The following ZBTB43 variants were observed in gnomAD, a reference collection of about 807,000 sequenced individuals.
ZBTB43 encodes zinc finger and BTB domain containing 43, also known as zinc finger and BTB domain-containing protein 43.
In ZBTB43, 6 loss-of-function variants were observed where a neutral mutation model predicts 31.1. The ratio of observed to expected loss-of-function variants is 0.19; its 90% confidence interval spans 0.11 to 0.38. The LOEUF (loss-of-function observed/expected upper bound fraction) is 0.38. ZBTB43 is among the 10% of genes least tolerant of loss of function. ZBTB43 has a pLI of 1.00. For synonymous variants in ZBTB43, 212 were observed against 221.7 expected, an observed-to-expected ratio of 0.96 and a Z score of 0.39; for missense variants, 379 against 602.1, an observed-to-expected ratio of 0.63 and a Z score of 3.88.
chr9:126,822,766 T>A (rs1165264553), intron 2 of ZBTB43, among the ~76,000 whole-genome samples: 1 of 151,976 alleles, frequency 6.6e-6, no homozygotes, highest in Non-Finnish European at 1.5e-5. Context: ...AGAAAGAAAT[T>A]GCTACAGCCA....
intron 2 of ZBTB43, among the ~76,000 whole-genome samples, chr9:126,825,522 C>T (rs897660025): frequency 6.6e-6 from 1 of 152,166 alleles, no homozygotes; most frequent in African/African-American, 2.4e-5. Context: ...TGGCCTTCTT[C>T]CTCAGCTTGC....
chr9:126,805,570 A>G (rs940573128), intron 1 of ZBTB43, among the ~76,000 whole-genome samples: 1 of 152,246 alleles, frequency 6.6e-6, no homozygotes, highest in Admixed American at 6.5e-5. Context: ...CTTCTGTTTA[A>G]GTAAAACATT....
intron 2 of ZBTB43, among the ~76,000 whole-genome samples, chr9:126,830,283 A>C (rs537339108): frequency 6.6e-6 from 1 of 152,220 alleles, no homozygotes; most frequent in Non-Finnish European, 1.5e-5. Flanking sequence ...TTCTCTTGTC[A>C]TCTCTCCCTA....
At chr9:126,829,578 T>C (rs1163145185) in intron 2 of ZBTB43, among the ~76,000 whole-genome samples, 1 of 152,226 alleles carries the variant, frequency 6.6e-6, no homozygotes, top group African/African-American at 2.4e-5. Flanking sequence ...AGTAGGGATT[T>C]TTAAAGGATG....
chr9:126,825,655 A>G (rs1588363291), intron 2 of ZBTB43, among the ~76,000 whole-genome samples: 1 of 152,056 alleles, frequency 6.6e-6, no homozygotes, highest in Non-Finnish European at 1.5e-5. Flanking sequence ...GTTAGGGCAC[A>G]TCTAAATGGA....
chr9:126,825,345 A>G (rs1217626205), intron 2 of ZBTB43, among the ~76,000 whole-genome samples: 6 of 151,958 alleles, frequency 3.9e-5, no homozygotes, highest in Non-Finnish European at 7.4e-5. Flanking sequence ...CAAGCATGCC[A>G]TTGAACCCCC....
chr9:126,808,039 T>TA (rs2032166137), intron 1 of ZBTB43, among the ~76,000 whole-genome samples: 1 of 152,242 alleles, frequency 6.6e-6, no homozygotes, highest in Non-Finnish European at 1.5e-5. Context: ...AATTTGTCGA[T>TA]ATGTTGTTAA....
chr9:126,826,650 G>C (rs11788344), intron 2 of ZBTB43, among the ~76,000 whole-genome samples: 3 of 151,338 alleles, frequency 2.0e-5, no homozygotes, highest in Non-Finnish European at 4.4e-5. Context: ...TTTTTTAGTA[G>C]AAATGGGGTT....
In ZBTB43 at chr9:126,835,837, A is replaced by T; in HGVS notation, c.*1924A>T. 1 of 166,962 alleles carries T rather than the reference A, an allele frequency of 6.0e-6. No homozygotes were observed. The allele number at this position is 166,962 out of a possible 1,614,324, so 10.3% of individuals were successfully genotyped here. A position where few individuals can be genotyped will look rare whatever the true frequency, so the allele number is the denominator to read the frequency against. On this transcript the variant is annotated 3_prime_UTR_variant, in exon 3 of 3. Coordinates refer to ENST00000373464, the MANE Select transcript of ZBTB43 (RefSeq NM_014007.4). ...CTGGTTAGCAGTCTTTTCTCTGTGT[A>T]CCTGACACACGTATACTGAGGGGAT...
At chr9:126,814,308 G>C (rs2032317984) in intron 2 of ZBTB43, among the ~76,000 whole-genome samples, 1 of 149,276 alleles carries the variant, frequency 6.7e-6, no homozygotes, top group Non-Finnish European at 1.5e-5. Context: ...TTTTACAGAT[G>C]AAATTTACAT....
chr9:126,815,330 C>T (rs28681349), intron 2 of ZBTB43, among the ~76,000 whole-genome samples: 1 of 120,030 alleles, frequency 8.3e-6, no homozygotes, highest in Non-Finnish European at 1.7e-5. Flanking sequence ...ATATATAAAA[C>T]TATATATATA....
In ZBTB43 at chr9:126,828,651, A is replaced by ATTATTATTATT. The variant is rs1554742734; in HGVS notation, c.-23-3836_-23-3835insTTATTATTATT. On this transcript the variant is annotated intron_variant, in intron 2 of 2. Transcript: ENST00000373464. ...TCTAAATAATAATAATAATAATAAT[A>ATTATTATTATT]ATAATTATTATTATTATTATTATTA... 5.8e-3 allele frequency among the ~76,000 whole-genome samples: 729 copies of ATTATTATTATT among 126,424 alleles called. 8 individuals carry two copies. The highest frequency in any genetic ancestry group is 0.021 in the African/African-American group (703 of 32,766). The allele number at this position is 126,424 out of a possible 152,430, so 82.9% of individuals were successfully genotyped here. A position where few individuals can be genotyped will look rare whatever the true frequency, so the allele number is the denominator to read the frequency against.
At chr9:126,804,931 G>A (rs370354227), upstream of ZBTB43, 16 of 152,404 alleles carry the variant, frequency 1.0e-4, no homozygotes, top group Admixed American at 3.3e-4. Context: ...CAGCTCAGAC[G>A]GTAAGTCCCG....
intron 1 of ZBTB43, among the ~76,000 whole-genome samples, chr9:126,806,019 T>C (rs2032120419): frequency 6.6e-6 from 1 of 152,226 alleles, no homozygotes; most frequent in African/African-American, 2.4e-5. Context: ...CAGGAGAGCC[T>C]GTCAGGGAGA....
intron 2 of ZBTB43, among the ~76,000 whole-genome samples, chr9:126,810,492 C>T (rs574375007): frequency 4.4e-4 from 58 of 131,820 alleles, no homozygotes; most frequent in Non-Finnish European, 7.4e-4. Context: ...TGTGCCCAGC[C>T]GTCTTTTTTT....
chr9:126,830,415 C>T lies in ZBTB43; in HGVS notation c.-23-2072C>T, dbSNP rs577404193. Among the ~76,000 whole-genome samples, 3 of 152,284 alleles carry T rather than the reference C, an allele frequency of 2.0e-5. No individual in the cohort carries two copies. In the East Asian group the frequency reaches 5.8e-4, roughly 29 times the overall value. ...CATTCCAGCACTTTGGGAGGCCAGG[C>T]GGGCAGATCGCTTGAGTTCAGGAAT... On this transcript the variant is annotated intron_variant, in intron 2 of 2. Coordinates refer to ENST00000373464, the MANE Select transcript of ZBTB43 (RefSeq NM_014007.4).
intron 2 of ZBTB43, among the ~76,000 whole-genome samples, chr9:126,813,190 G>C (rs1436827338): frequency 6.6e-6 from 1 of 151,956 alleles, no homozygotes; most frequent in Non-Finnish European, 1.5e-5. Flanking sequence ...ATGTTGGCCA[G>C]GCCGGTCTGG....
intron 2 of ZBTB43, among the ~76,000 whole-genome samples, chr9:126,828,815 G>A (rs7027353): frequency 0.032 from 4,818 of 151,732 alleles, 252 homozygotes; most frequent in African/African-American, 0.11. Context: ...TTATCACAAC[G>A]TAGGATAAAG....
intron 2 of ZBTB43, among the ~76,000 whole-genome samples, chr9:126,828,557 C>T (rs2032695355): frequency 6.7e-6 from 1 of 149,090 alleles, no homozygotes; most frequent in South Asian, 2.1e-4. Context: ...CTCTGGGAGG[C>T]CGAGGCGGGA....
Sources: gnomAD v4.1 joint callset for allele counts (sites outside exome capture counted in the v4.1 genomes callset) on GRCh38, gnomAD v4.1.1 for gene constraint, MANE v1.5 for transcripts, NCBI Gene and HGNC (gene_info 2026-07-23, HGNC 2026-07-21) for gene names.